Variants in SLC25A20 observed in about 807,000 individuals in gnomAD.
SLC25A20 encodes solute carrier family 25 member 20, also known as mitochondrial carnitine/acylcarnitine carrier protein.
A neutral mutation model predicts 39.7 loss-of-function variants in SLC25A20; 29 were observed. The observed-to-expected ratio is 0.73, with a 90% CI of 0.54 to 1.00. SLC25A20 has a LOEUF of 1.00. Ranked by LOEUF, SLC25A20 falls within the 50% of genes least tolerant of loss-of-function variation. The pLI is 0.00. For missense variants in SLC25A20, 333 were observed against 379.9 expected (o/e 0.88, Z 1.03); for synonymous variants, 103 against 142.2 (o/e 0.72, Z 1.96).
In SLC25A20 at chr3:48,857,680, T is replaced by A; in HGVS notation, c.*30A>T. The A allele has an allele frequency of 6.2e-7, 1 of 1,608,188 alleles. No individual in the cohort carries two copies. The highest frequency in any genetic ancestry group is 8.5e-7 in the Non-Finnish European group (1 of 1,175,226). On this transcript the variant is annotated 3_prime_UTR_variant, in exon 9 of 9. Transcript: ENST00000319017. ...TTCTCCTCAACGACAGCTTCCAGCATCCAGAAGTGAACTTGAGCAGCCTTC... is the reference window on the plus strand; with the variant it reads ...TTCTCCTCAACGACAGCTTCCAGCAACCAGAAGTGAACTTGAGCAGCCTTC...
intron 1 of SLC25A20, among the ~76,000 whole-genome samples, chr3:48,893,465 G>GTTCAAGA (rs1240506416): frequency 6.6e-6 from 1 of 152,060 alleles, no homozygotes; most frequent in African/African-American, 2.4e-5. Context: ...GAGGCCAGGA[G>GTTCAAGA]TTCAAGATTA....
In SLC25A20 at chr3:48,859,081, C is replaced by T; in HGVS notation, c.718+11G>A. On this transcript the variant is annotated intron_variant, in intron 7 of 8. Transcript: ENST00000319017. Reference sequence around the variant, plus strand: ...ACTCTCCCCCTGTCCACCCCACTACCTTCCACTCACCAGTCTGGAATCGAG... The same window carrying T: ...ACTCTCCCCCTGTCCACCCCACTACTTTCCACTCACCAGTCTGGAATCGAG... The T allele has an allele frequency of 6.2e-7, 1 of 1,608,962 alleles. No individual in the cohort carries two copies. The highest frequency in any genetic ancestry group is 1.7e-4 in the Middle Eastern group (1 of 6,048).
At chr3:48,886,578 T>C (rs151188187) in intron 2 of SLC25A20, among the ~76,000 whole-genome samples, 94 of 151,924 alleles carry the variant, frequency 6.2e-4, no homozygotes, top group Admixed American at 1.1e-3. Context: ...AGTAAATGTA[T>C]ATTATGTAGA....
intron 2 of SLC25A20, among the ~76,000 whole-genome samples, chr3:48,886,149 G>A (rs2083827577): frequency 6.6e-6 from 1 of 152,170 alleles, no homozygotes; most frequent in Non-Finnish European, 1.5e-5. Context: ...CAGGGCAGAA[G>A]GAGGGGATAG....
chr3:48,860,603 C>G (rs1359094258), intron 5 of SLC25A20, among the ~76,000 whole-genome samples: 1 of 148,480 alleles, frequency 6.7e-6, no homozygotes, highest in Non-Finnish European at 1.5e-5. Flanking sequence ...GACTCCATCT[C>G]AAAAAAAAAT....
In SLC25A20 at chr3:48,898,693, G is replaced by T; in HGVS notation, c.102C>A (p.Val34=). 6.2e-7 allele frequency: 1 copy of T among 1,602,622 alleles called. No homozygotes were observed. The highest frequency in any genetic ancestry group is 1.1e-5 in the South Asian group (1 of 89,280). ...CCTGCGACCCAGCCTCCCGCACCTT[G>T]ACCGTGTCCAGAGGGTGACCGACGA... ...LVFVGHPLDT[V]KVRLQTQPPS... Residue 34 remains valine (V), a synonymous_variant, in exon 1 of 9, where the codon GTC becomes GTA. Transcript: ENST00000319017.
intron 4 of SLC25A20, among the ~76,000 whole-genome samples, chr3:48,870,863 G>A (rs1350064552): frequency 6.8e-6 from 1 of 147,972 alleles, no homozygotes. Flanking sequence ...CTATAATCCA[G>A]GCCGGAGTGC....
chr3:48,863,466 C>G (rs2106638672), intron 4 of SLC25A20, among the ~76,000 whole-genome samples: 1 of 152,254 alleles, frequency 6.6e-6, no homozygotes, highest in South Asian at 2.1e-4. Context: ...AAGAGAGGCT[C>G]CTACCCCGCC....
chr3:48,891,573 A>G (rs946717728), intron 2 of SLC25A20, among the ~76,000 whole-genome samples: 5 of 152,176 alleles, frequency 3.3e-5, no homozygotes, highest in Admixed American at 2.0e-4. Flanking sequence ...CACTCTCTAC[A>G]TGTTGCCCAG....
At chr3:48,881,443 C>T (rs1238237214) in intron 3 of SLC25A20, among the ~76,000 whole-genome samples, 2 of 152,174 alleles carry the variant, frequency 1.3e-5, no homozygotes, top group Non-Finnish European at 2.9e-5. Context: ...CATGTGGACA[C>T]TCAATGGCTG....
At chr3:48,879,257 C>T in intron 4 of SLC25A20, 101 bp downstream of exon 4, 1 of 916,156 alleles carries the variant, frequency 1.1e-6, no homozygotes, top group Non-Finnish European at 1.8e-6. Flanking sequence ...AGCCACTGCA[C>T]CCAGTCCTGA....
chr3:48,883,031 CAA>C lies in SLC25A20; in HGVS notation c.326+964_326+965del, dbSNP rs11293883. 1.6e-3 allele frequency among the ~76,000 whole-genome samples: 223 copies of C among 142,310 alleles called. 1 individual carries two copies. Among genetic ancestry groups the C allele is most frequent in the Non-Finnish European group, 1.6e-3 (105 of 65,028 alleles). The allele number at this position is 142,310 out of a possible 152,430, so 93.4% of individuals were successfully genotyped here. ...CGAAACCCCGTCTCTACTAAAAATA[CAA>C]AAAAAAAAAAAATTAGCCGGGCGTG... On this transcript the variant is annotated intron_variant, in intron 3 of 8. Transcript: ENST00000319017.
intron 1 of SLC25A20, among the ~76,000 whole-genome samples, chr3:48,897,781 T>C (rs1043275271): frequency 2.0e-5 from 3 of 152,080 alleles, no homozygotes; most frequent in African/African-American, 7.2e-5. Context: ...TTCCAATCTT[T>C]TAAAACTCAT....
chr3:48,872,405 C>T (rs1032167978), intron 4 of SLC25A20, among the ~76,000 whole-genome samples: 4 of 151,766 alleles, frequency 2.6e-5, no homozygotes, highest in African/African-American at 9.7e-5. Flanking sequence ...GCTGGGATTA[C>T]AGGTATGAGC....
At chr3:48,874,962 T>C (rs929870383) in intron 4 of SLC25A20, among the ~76,000 whole-genome samples, 1 of 146,830 alleles carries the variant, frequency 6.8e-6, no homozygotes, top group Admixed American at 7.0e-5. Flanking sequence ...CACGGGAGGC[T>C]GAGGCAGGAG....
intron 5 of SLC25A20, among the ~76,000 whole-genome samples, chr3:48,860,465 C>T (rs951607373): frequency 6.6e-6 from 1 of 151,654 alleles, no homozygotes; most frequent in Admixed American, 6.6e-5. Context: ...ATTAGCCGGG[C>T]ATGGTGGTGC....
At chr3:48,880,075 A>G (rs749128345) in intron 3 of SLC25A20, among the ~76,000 whole-genome samples, 19 of 152,176 alleles carry the variant, frequency 1.2e-4, no homozygotes, top group Admixed American at 2.6e-4. Flanking sequence ...CCAGACAGGG[A>G]TGATACCCAG....
chr3:48,886,754 G>A (rs2083832113), intron 2 of SLC25A20, among the ~76,000 whole-genome samples: 1 of 152,136 alleles, frequency 6.6e-6, no homozygotes, highest in African/African-American at 2.4e-5. Context: ...GCTGAGACGG[G>A]AGGATCACTT....
intron 4 of SLC25A20, among the ~76,000 whole-genome samples, chr3:48,864,553 T>G (rs2106639302): frequency 6.6e-6 from 1 of 151,460 alleles, no homozygotes; most frequent in African/African-American, 2.4e-5. Context: ...CAATTGAGTA[T>G]CAATGGTTTT....
Sources: allele counts gnomAD v4.1 joint callset (sites outside exome capture counted in the v4.1 genomes callset), GRCh38; gene constraint gnomAD v4.1.1; transcripts MANE v1.5; gene names NCBI Gene and HGNC (gene_info 2026-07-23, HGNC 2026-07-21).